FTCD: variants seen among roughly 807,000 people sequenced by gnomAD.
FTCD encodes formimidoyltransferase-cyclodeaminase.
FTCD carries 76 observed loss-of-function variants against 62.9 expected under a neutral mutation model. That is an observed-to-expected ratio of 1.21 (90% CI 1.00 to 1.46). The LOEUF is 1.46. Among genes scored for constraint, FTCD ranks in the 40% most tolerant of loss-of-function variants. The pLI is 0.00. For synonymous variants in FTCD, 397 were observed against 336.9 expected, an observed-to-expected ratio of 1.18 and a Z score of -1.95; for missense variants, 845 against 751.3, an observed-to-expected ratio of 1.12 and a Z score of -1.46.
In FTCD at chr21:46,136,983, ACCGTCACT is replaced by A. The variant is rs2078881589; in HGVS notation, c.1622_*3del. 6.2e-7 allele frequency: 1 copy of A among 1,612,954 alleles called. No individual in the cohort carries two copies. The highest frequency in any genetic ancestry group is 1.1e-5 in the South Asian group (1 of 91,066). On this transcript the variant is annotated stop_lost and 3_prime_UTR_variant, in exon 14 of 14. Coordinates refer to ENST00000397746, the MANE Select transcript of FTCD (RefSeq NM_206965.2). ...CACAGAGCCCGGAGAGGCCTCCCGC[ACCGTCACT>A]CCTGCCGGGTCTCCAAGCAGTCCAG...
chr21:46,153,430 G>A (rs559163650), intron 2 of FTCD, among the ~76,000 whole-genome samples: 79 of 152,198 alleles, frequency 5.2e-4, no homozygotes, highest in Admixed American at 1.5e-3. Context: ...AAGAGGGGGC[G>A]CTCGAGGCTG....
chr21:46,146,205 G>T (rs902812954), intron 8 of FTCD, 61 bp downstream of exon 8: 7 of 1,239,028 alleles, frequency 5.6e-6, no homozygotes, highest in East Asian at 4.9e-5. Flanking sequence ...CCAGCGCCCC[G>T]CAAGGCCCGA....
At chr21:46,148,215 G>A (rs933906241) in intron 7 of FTCD, among the ~76,000 whole-genome samples, 3 of 152,194 alleles carry the variant, frequency 2.0e-5, no homozygotes, top group African/African-American at 7.2e-5. Context: ...GGTCCAGGAG[G>A]AAGGGGGTCG....
chr21:46,144,194 A>G (rs2079075235), intron 10 of FTCD, among the ~76,000 whole-genome samples: 1 of 151,522 alleles, frequency 6.6e-6, no homozygotes, highest in Non-Finnish European at 1.5e-5. Flanking sequence ...AATAAATAAC[A>G]GCGCAGCCAG....
chr21:46,138,988 TC>T, intron 10 of FTCD, 65 bp from the exon 11 acceptor site: 2 of 1,220,916 alleles, frequency 1.6e-6, no homozygotes, highest in Non-Finnish European at 2.4e-6. Context: ...CCCTCTGAGC[TC>T]CCACAAGGGG....
chr21:46,143,034 G>C (rs2079055952), intron 10 of FTCD, among the ~76,000 whole-genome samples: 1 of 152,162 alleles, frequency 6.6e-6, no homozygotes, highest in African/African-American at 2.4e-5. Context: ...AGCCCAGCCA[G>C]CTTCACCTCT....
In FTCD at chr21:46,151,605, G is replaced by A. The variant is rs2079276905; in HGVS notation, c.589C>T (p.His197Tyr). Residue 197 changes from histidine (H) to tyrosine (Y), a missense_variant, in exon 5 of 14, where the codon CAC becomes TAC. Coordinates refer to ENST00000397746, the MANE Select transcript of FTCD (RefSeq NM_206965.2). ...TCCCGCAGGTTGAGCGCGATGCGGT[G>A]GGCTTGCTCCTTTGTGCCGAGCAGG... ...INLLGTKEQA[H>Y]RIALNLREQG... 1.9e-6 allele frequency: 3 copies of A among 1,613,016 alleles called. No homozygotes were observed. The highest frequency in any genetic ancestry group is 8.5e-7 in the Non-Finnish European group (1 of 1,179,950).
intron 7 of FTCD, among the ~76,000 whole-genome samples, chr21:46,148,702 G>A (rs1404027352): frequency 1.3e-5 from 2 of 152,164 alleles, no homozygotes; most frequent in Admixed American, 1.3e-4. Context: ...CCACTGAGGC[G>A]CTTTTAAAAG....
intron 12 of FTCD, 120 bp downstream of exon 12, chr21:46,138,388 T>C (rs2078917402): frequency 2.1e-6 from 2 of 949,778 alleles, no homozygotes; most frequent in Non-Finnish European, 3.2e-6. Context: ...GAACTGCCCG[T>C]GAAGTGAGGT....
intron 5 of FTCD, among the ~76,000 whole-genome samples, chr21:46,151,087 C>T (rs1394416184): frequency 1.3e-5 from 2 of 152,208 alleles, no homozygotes; most frequent in Non-Finnish European, 2.9e-5. Context: ...AGGTGGTCCC[C>T]CCCGCTTTCT....
At chr21:46,139,199 C>A (rs1285032907) in intron 10 of FTCD, 1 of 541,828 alleles carries the variant, frequency 1.8e-6, no homozygotes, top group Non-Finnish European at 3.3e-6. Context: ...AGCTAAAGAG[C>A]CTGAGGGCCC....
chr21:46,153,523 C>T (rs1020531888), intron 2 of FTCD, among the ~76,000 whole-genome samples: 1 of 152,230 alleles, frequency 6.6e-6, no homozygotes, highest in Non-Finnish European at 1.5e-5. Flanking sequence ...AGCTGAGTCC[C>T]TCGCTGTGGC....
rs775837925 is a variant in FTCD at position 46,138,532 on chromosome 21, G to A, written c.1419C>T (p.Asn473=). 5.0e-6 allele frequency: 8 copies of A among 1,586,760 alleles called. No individual in the cohort carries two copies. Among genetic ancestry groups the A allele is most frequent in the Middle Eastern group, 2.0e-4 (1 of 5,086 alleles). ...CCTGGAGGTCTGACCGGCAGGCCAGGTTCCCACACCGGGCCAGTTCCTGCA... is the reference window on the plus strand; with the variant it reads ...CCTGGAGGTCTGACCGGCAGGCCAGATTCCCACACCGGGCCAGTTCCTGCA... ...PALQELARCG[N]LACRSDLQVA... Residue 473 remains asparagine (N), a synonymous_variant, in exon 12 of 14, where the codon AAC becomes AAT. Transcript: ENST00000397746.
Position 46,145,829 on chromosome 21 carries a change from CGGCCGCCGCCACCGAGCCGCCCCCGGGGG to C in FTCD, c.1058_1086del (p.Ala353GlyfsTer69). Reference sequence around the variant, plus strand: ...CCCCCCGCGCTCACCATGGCCGCAGCGGCCGCCGCCACCGAGCCGCCCCCGGGGGCCGCAGAGCGGGCACCCACCTCCCC... The same window carrying C: ...CCCCCCGCGCTCACCATGGCCGCAGCCCGCAGAGCGGGCACCCACCTCCCC... On this transcript the variant is annotated frameshift_variant, in exon 9 of 14. Coordinates refer to ENST00000397746, the MANE Select transcript of FTCD (RefSeq NM_206965.2). LOFTEE classifies it high-confidence loss of function. 1 of 1,307,084 alleles carries C rather than the reference CGGCCGCCGCCACCGAGCCGCCCCCGGGGG, an allele frequency of 7.7e-7. No homozygotes were observed. Among genetic ancestry groups the C allele is most frequent in the South Asian group, 1.6e-5 (1 of 63,436 alleles). 81.0% of individuals were successfully genotyped at this position (1,307,084 alleles called of 1,614,324 possible). A position where few individuals can be genotyped will look rare whatever the true frequency, so the allele number is the denominator to read the frequency against.
chr21:46,140,485 C>A (rs2078975245), intron 10 of FTCD, among the ~76,000 whole-genome samples: 1 of 142,874 alleles, frequency 7.0e-6, no homozygotes, highest in Non-Finnish European at 1.5e-5. Flanking sequence ...ACATTGTTCG[C>A]AGGGAATGTA....
intron 9 of FTCD, 73 bp from the exon 10 acceptor site, chr21:46,145,651 G>T: frequency 1.6e-6 from 2 of 1,262,696 alleles, no homozygotes; most frequent in Non-Finnish European, 1.1e-6. Context: ...AGAGCCAGGG[G>T]CCCGGGTGAT....
chr21:46,148,523 G>T (rs1038518587), intron 7 of FTCD, among the ~76,000 whole-genome samples: 4 of 152,210 alleles, frequency 2.6e-5, no homozygotes, highest in Non-Finnish European at 5.9e-5. Context: ...AGAGGCTGAG[G>T]TGGGAAGATC....
intron 10 of FTCD, 185 bp from the exon 11 acceptor site, chr21:46,139,108 A>C: frequency 2.0e-6 from 1 of 489,146 alleles, no homozygotes; most frequent in Admixed American, 2.6e-5. Flanking sequence ...GGAGCAGGGT[A>C]GGGGGGGTCG....
intron 7 of FTCD, among the ~76,000 whole-genome samples, chr21:46,148,063 C>A (rs188367751): frequency 6.6e-6 from 1 of 151,996 alleles, no homozygotes; most frequent in South Asian, 2.1e-4. Context: ...GAAAGGATGA[C>A]GTTGGAATGC....
Sources: allele counts gnomAD v4.1 joint callset (sites outside exome capture counted in the v4.1 genomes callset), GRCh38; gene constraint gnomAD v4.1.1; transcripts MANE v1.5; gene names NCBI Gene and HGNC (gene_info 2026-07-23, HGNC 2026-07-21).